Variants in TSHZ2 observed in about 807,000 individuals in gnomAD.
The protein encoded by TSHZ2 is teashirt zinc finger homeobox 2, also known as teashirt homolog 2.
In TSHZ2, 21 loss-of-function variants were observed where a neutral mutation model predicts 74.4. The observed-to-expected ratio is 0.28, with a 90% CI of 0.20 to 0.41. TSHZ2 has a LOEUF of 0.41. TSHZ2 is among the 10% of genes least tolerant of loss of function. The probability of loss-of-function intolerance (pLI) is 1.00; values close to 1 mark genes in which losing one functional copy is unlikely to be tolerated. For synonymous variants in TSHZ2, 540 were observed against 515.3 expected (o/e 1.05, Z -0.65); for missense variants, 1,244 against 1,293.5 (o/e 0.96, Z 0.59).
chr20:53,395,461 A>C (rs1352784739), intron 2 of TSHZ2, among the ~76,000 whole-genome samples: 1 of 152,232 alleles, frequency 6.6e-6, no homozygotes, highest in Non-Finnish European at 1.5e-5. Flanking sequence ...CACATGTCCA[A>C]ATGGAAAAAT....
At chr20:53,248,515 T>TA (rs1297301220) in intron 1 of TSHZ2, among the ~76,000 whole-genome samples, 1 of 152,228 alleles carries the variant, frequency 6.6e-6, no homozygotes, top group African/African-American at 2.4e-5. Flanking sequence ...TCTCCTTTTT[T>TA]AAATGAAGAA....
intron 2 of TSHZ2, among the ~76,000 whole-genome samples, chr20:53,323,297 C>T (rs370752287): frequency 1.1e-4 from 17 of 152,236 alleles, no homozygotes; most frequent in African/African-American, 4.1e-4. Flanking sequence ...CCGGGTGACT[C>T]TTATAAAATG....
chr20:53,079,236 T>G (rs899096737), intron 1 of TSHZ2, among the ~76,000 whole-genome samples: 1 of 152,146 alleles, frequency 6.6e-6, no homozygotes, highest in Non-Finnish European at 1.5e-5. Context: ...AAATGCACAC[T>G]GGACTTAACT....
intron 1 of TSHZ2, among the ~76,000 whole-genome samples, chr20:53,085,593 A>G (rs1358618073): frequency 1.3e-5 from 2 of 152,150 alleles, no homozygotes; most frequent in African/African-American, 2.4e-5. Context: ...CCCCTTGTCA[A>G]TTACTTTGTA....
chr20:53,204,400 C>CATTATGATATGATACTATTATATCATA (rs1989110120), intron 1 of TSHZ2, among the ~76,000 whole-genome samples: 2 of 131,530 alleles, frequency 1.5e-5, no homozygotes, highest in African/African-American at 6.4e-5. Context: ...ACTATATCAT[C>CATTATGATATGATACTATTATATCATA]ATATAACATG....
intron 2 of TSHZ2, among the ~76,000 whole-genome samples, chr20:53,417,205 C>A (rs1357037996): frequency 6.6e-6 from 1 of 150,778 alleles, no homozygotes; most frequent in Non-Finnish European, 1.5e-5. Context: ...TGCAAACATC[C>A]CTGAGGATAT....
chr20:53,468,234 C>G (rs190814913), intron 2 of TSHZ2, among the ~76,000 whole-genome samples: 32 of 152,278 alleles, frequency 2.1e-4, no homozygotes, highest in African/African-American at 7.7e-4. Context: ...TTAGGGATAA[C>G]TGTTCAGCAG....
chr20:53,086,504 A>G (rs1206154646), intron 1 of TSHZ2, among the ~76,000 whole-genome samples: 2 of 152,114 alleles, frequency 1.3e-5, no homozygotes, highest in Non-Finnish European at 2.9e-5. Context: ...TATGGCTTGA[A>G]TAGATCATCC....
At chr20:53,412,343 C>T (rs1207726533) in intron 2 of TSHZ2, among the ~76,000 whole-genome samples, 2 of 152,270 alleles carry the variant, frequency 1.3e-5, no homozygotes, top group African/African-American at 4.8e-5. Flanking sequence ...AGCAAGGCTA[C>T]TGGTTCCCAG....
intron 2 of TSHZ2, among the ~76,000 whole-genome samples, chr20:53,287,257 A>G (rs1340620331): frequency 6.6e-6 from 1 of 152,140 alleles, no homozygotes; most frequent in Non-Finnish European, 1.5e-5. Context: ...CACTTCTCTA[A>G]TTGTTCATTT....
intron 1 of TSHZ2, among the ~76,000 whole-genome samples, chr20:53,059,448 A>G (rs1984749981): frequency 6.6e-6 from 1 of 152,238 alleles, no homozygotes; most frequent in South Asian, 2.1e-4. Flanking sequence ...CTAGGAAAAA[A>G]TAAATACCCC....
At chr20:53,193,081 A>G (rs1291417369) in intron 1 of TSHZ2, among the ~76,000 whole-genome samples, 4 of 151,928 alleles carry the variant, frequency 2.6e-5, no homozygotes, top group Non-Finnish European at 5.9e-5. Context: ...ACCCCAAAAC[A>G]GAGTATGGTA....
intron 1 of TSHZ2, among the ~76,000 whole-genome samples, chr20:53,113,682 T>C (rs1986594486): frequency 6.6e-6 from 1 of 152,332 alleles, no homozygotes; most frequent in South Asian, 2.1e-4. Context: ...GTCCTAGAAT[T>C]GACTCTGAGT....
chr20:53,369,354 A>T (rs922215114), intron 2 of TSHZ2, among the ~76,000 whole-genome samples: 2 of 152,126 alleles, frequency 1.3e-5, no homozygotes, highest in Admixed American at 1.3e-4. Context: ...ATAGAGGAGG[A>T]GGTAAGCCTT....
intron 1 of TSHZ2, among the ~76,000 whole-genome samples, chr20:53,226,157 CACAT>C (rs1207361692): frequency 7.8e-6 from 1 of 128,736 alleles, no homozygotes; most frequent in Non-Finnish European, 1.7e-5. Flanking sequence ...CACACACACA[CACAT>C]GCACACAAAC....
chr20:53,067,955 C>T (rs1440032051), intron 1 of TSHZ2, among the ~76,000 whole-genome samples: 2 of 152,122 alleles, frequency 1.3e-5, no homozygotes, highest in Non-Finnish European at 2.9e-5. Flanking sequence ...TGGTTGTGGC[C>T]AGCAATCCTT....
chr20:53,180,732 A>G (rs992914266), intron 1 of TSHZ2, among the ~76,000 whole-genome samples: 1 of 152,214 alleles, frequency 6.6e-6, no homozygotes, highest in African/African-American at 2.4e-5. Flanking sequence ...TATGTATGTA[A>G]GAAATCTGCA....
intron 2 of TSHZ2, among the ~76,000 whole-genome samples, chr20:53,310,469 T>A (rs1466066767): frequency 6.6e-6 from 1 of 152,260 alleles, no homozygotes; most frequent in Non-Finnish European, 1.5e-5. Flanking sequence ...ACAGTTTCTG[T>A]GCATAAGGAG....
At chr20:53,372,112 C>A (rs182511172) in intron 2 of TSHZ2, among the ~76,000 whole-genome samples, 8 of 152,150 alleles carry the variant, frequency 5.3e-5, no homozygotes, top group Admixed American at 2.0e-4. Flanking sequence ...ATGGGAAGAC[C>A]CTATTTCCAA....
Sources: allele counts gnomAD v4.1 joint callset (sites outside exome capture counted in the v4.1 genomes callset), GRCh38; gene constraint gnomAD v4.1.1; transcripts MANE v1.5; gene names NCBI Gene and HGNC (gene_info 2026-07-23, HGNC 2026-07-21).